SERAC1: variants seen among roughly 807,000 people sequenced by gnomAD.
The protein encoded by SERAC1 is serine active site containing 1.
SERAC1 carries 36 observed loss-of-function variants against 85.7 expected under a neutral mutation model. The ratio of observed to expected loss-of-function variants is 0.42; its 90% confidence interval spans 0.32 to 0.55. The LOEUF (loss-of-function observed/expected upper bound fraction) is 0.55. Among genes scored for constraint, SERAC1 ranks in the 20% least tolerant of loss-of-function variants. SERAC1 has a pLI of 0.11. For synonymous variants in SERAC1, 242 were observed against 265.3 expected (o/e 0.91, Z 0.85); for missense variants, 629 against 796.2 (o/e 0.79, Z 2.53).
intron 13 of SERAC1, chr6:158,116,769 C>T (rs1784300524): frequency 6.5e-6 from 1 of 154,734 alleles, no homozygotes; most frequent in Non-Finnish European, 1.4e-5. Flanking sequence ...GAAAGTATCA[C>T]CAAAGACTGT....
At chr6:158,148,264 TA>T (rs1354435821) in intron 5 of SERAC1, among the ~76,000 whole-genome samples, 4 of 152,200 alleles carry the variant, frequency 2.6e-5, no homozygotes, top group Non-Finnish European at 5.9e-5. Flanking sequence ...TTGGATATAC[TA>T]TGCTCATTAT....
chr6:158,133,655 G>A (rs1241226405), intron 8 of SERAC1, among the ~76,000 whole-genome samples: 1 of 152,066 alleles, frequency 6.6e-6, no homozygotes, highest in Non-Finnish European at 1.5e-5. Context: ...AAAGTGCTGG[G>A]ATTACAGGCG....
Position 158,119,269 on chromosome 6 carries a change from T to C in SERAC1, c.1167-99A>G. On this transcript the variant is annotated intron_variant, in intron 11 of 16. Coordinates refer to ENST00000647468, the MANE Select transcript of SERAC1 (RefSeq NM_032861.4). The surrounding 1 kb of genome is among the most constrained non-coding windows in gnomAD (Gnocchi z 4.5). ...CTCTGTGGATGGTGCTTTAGCAGGC[T>C]TATGTGACATAAAACTGAATTAAAG... The C allele has an allele frequency of 7.3e-7, 1 of 1,368,732 alleles. No individual in the cohort carries two copies. Among genetic ancestry groups the C allele is most frequent in the South Asian group, 1.5e-5 (1 of 65,746 alleles). 84.8% of individuals were successfully genotyped at this position (1,368,732 alleles called of 1,614,324 possible). A position where few individuals can be genotyped will look rare whatever the true frequency, so the allele number is the denominator to read the frequency against.
intron 2 of SERAC1, among the ~76,000 whole-genome samples, chr6:158,155,627 T>C (rs1166403264): frequency 1.3e-5 from 2 of 152,156 alleles, no homozygotes; most frequent in Non-Finnish European, 2.9e-5. Context: ...CTGATGCTAG[T>C]AGGACTACAA....
rs150282153 is a variant in SERAC1 at position 158,121,156 on chromosome 6, A to G, written c.1016-581T>C. The stretch of plus-strand genomic sequence containing the variant: ...CTTTTTTTTAATGTTTTTGTTTTTA[A>G]AACTTTATATACATAAATATAAAAG... On this transcript the variant is annotated intron_variant, in intron 10 of 16. Transcript: ENST00000647468. 3.9e-3 allele frequency among the ~76,000 whole-genome samples: 591 copies of G among 151,448 alleles called. 5 individuals are homozygous for G. The highest frequency in any genetic ancestry group is 0.014 in the African/African-American group (566 of 40,788).
In SERAC1 at chr6:158,130,865, T is replaced by A. The variant is rs186263335; in HGVS notation, c.739-379A>T. 5.9e-5 allele frequency among the ~76,000 whole-genome samples: 9 copies of A among 152,290 alleles called. No homozygotes were observed. In the East Asian group the frequency reaches 1.7e-3, roughly 29 times the overall value. On this transcript the variant is annotated intron_variant, in intron 8 of 16. Coordinates refer to ENST00000647468, the MANE Select transcript of SERAC1 (RefSeq NM_032861.4). ...TTCCAGATTCTGCTAATAGCCTACT[T>A]AAAGTCTAATAATCAATATAATTCA...
chr6:158,162,059 T>C (rs1238217043), intron 1 of SERAC1: 1 of 152,252 alleles, frequency 6.6e-6, no homozygotes, highest in Non-Finnish European at 1.5e-5. Context: ...CATGTGGCCT[T>C]GCATGGTGTG....
At chr6:158,167,038 G>A (rs1334002018) in intron 1 of SERAC1, among the ~76,000 whole-genome samples, 1 of 151,494 alleles carries the variant, frequency 6.6e-6, no homozygotes, top group Non-Finnish European at 1.5e-5. Context: ...GGAAGAGAAT[G>A]TATGCAAGAT....
intron 16 of SERAC1, 89 bp from the exon 17 acceptor site, chr6:158,111,591 G>T: frequency 9.7e-7 from 1 of 1,032,642 alleles, no homozygotes; most frequent in Non-Finnish European, 1.4e-6. Context: ...GGTAGTTCTA[G>T]ACATTGCTTT....
rs1037517216 is a variant in SERAC1 at position 158,109,973 on chromosome 6, C to G, written c.*1393G>C. On this transcript the variant is annotated 3_prime_UTR_variant, in exon 17 of 17. Transcript: ENST00000647468. ...AGACAGAAAACAGATTAGTGTTTAC[C>G]GCAGGCTTGGGAAAGCAGAGGTGGG... 4 of 152,134 alleles carry G rather than the reference C, an allele frequency of 2.6e-5. No individual in the cohort carries two copies. Among genetic ancestry groups the G allele is most frequent in the African/African-American group, 9.7e-5 (4 of 41,428 alleles). 9.4% of individuals were successfully genotyped at this position (152,134 alleles called of 1,614,324 possible). A position where few individuals can be genotyped will look rare whatever the true frequency, so the allele number is the denominator to read the frequency against.
rs748904770 is a variant in SERAC1 at position 158,117,513 on chromosome 6, C to A, written c.1403+214G>T. ...AGTTGTAAATAAACCATGTTAGGAG[C>A]CCACCATTGGTGATATACCTAAGCC... On this transcript the variant is annotated intron_variant, in intron 13 of 16. Transcript: ENST00000647468. This position sits in a 1 kb window ranked among gnomAD's most constrained non-coding sequence, Gnocchi z 4.3. The A allele has an allele frequency of 2.9e-5, 45 of 1,549,904 alleles. No homozygotes were observed. In the African/African-American group the frequency reaches 6.0e-4, roughly 21 times the overall value.
At chr6:158,150,140 T>C (rs1428516159) in intron 4 of SERAC1, among the ~76,000 whole-genome samples, 2 of 152,230 alleles carry the variant, frequency 1.3e-5, no homozygotes, top group Non-Finnish European at 2.9e-5. Flanking sequence ...TACAAAATCA[T>C]GTTTTTTGTA....
At chr6:158,128,850 T>G (rs1389346536) in intron 9 of SERAC1, among the ~76,000 whole-genome samples, 1 of 152,182 alleles carries the variant, frequency 6.6e-6, no homozygotes, top group Non-Finnish European at 1.5e-5. Context: ...GAAGTTTTAA[T>G]GGAGAAAACA....
chr6:158,115,923 C>T (rs932337401), intron 14 of SERAC1, among the ~76,000 whole-genome samples: 1 of 152,316 alleles, frequency 6.6e-6, no homozygotes, highest in African/African-American at 2.4e-5. Flanking sequence ...TATTCATTAC[C>T]GCTATGTGAA....
At chr6:158,131,372 T>C (rs1197679150) in intron 8 of SERAC1, among the ~76,000 whole-genome samples, 1 of 147,312 alleles carries the variant, frequency 6.8e-6, no homozygotes, top group Non-Finnish European at 1.5e-5. Context: ...TATATTTATA[T>C]CTATATATTA....
intron 2 of SERAC1, among the ~76,000 whole-genome samples, chr6:158,155,870 T>G (rs1785319120): frequency 6.6e-6 from 1 of 152,130 alleles, no homozygotes. Flanking sequence ...TTAGGCCGGG[T>G]GCGGTGGCTC....
chr6:158,131,037 G>C (rs1389239460), intron 8 of SERAC1, among the ~76,000 whole-genome samples: 3 of 151,948 alleles, frequency 2.0e-5, no homozygotes, highest in Non-Finnish European at 4.4e-5. Context: ...CAAAACAGAA[G>C]AGTAGTGGGG....
At chr6:158,111,564 C>T in intron 16 of SERAC1, 62 bp from the exon 17 acceptor site, 1 of 1,340,926 alleles carries the variant, frequency 7.5e-7, no homozygotes, top group Non-Finnish European at 1.0e-6. Context: ...CTTGACAATA[C>T]TGAAAGAGGC....
chr6:158,124,140 A>C (rs1358878743), intron 10 of SERAC1, among the ~76,000 whole-genome samples: 1 of 152,036 alleles, frequency 6.6e-6, no homozygotes, highest in Non-Finnish European at 1.5e-5. Flanking sequence ...GGTTTCAGAG[A>C]AGAGTCATTT....
Sources: allele counts gnomAD v4.1 joint callset (sites outside exome capture counted in the v4.1 genomes callset), GRCh38; gene constraint gnomAD v4.1.1; non-coding constraint Gnocchi (gnomAD v3.1); transcripts MANE v1.5; gene names NCBI Gene and HGNC (gene_info 2026-07-23, HGNC 2026-07-21).